The following RASEF variants were observed in gnomAD, a reference collection of about 807,000 sequenced individuals.
RASEF encodes the protein RAS and EF-hand domain containing.
RASEF carries 68 observed loss-of-function variants against 90.1 expected under a neutral mutation model. The observed-to-expected ratio is 0.75, with a 90% confidence interval of 0.62 to 0.92. The LOEUF (loss-of-function observed/expected upper bound fraction) is 0.92, where lower values mean the gene tolerates loss of function less well. Among genes scored for constraint, RASEF ranks in the 40% least tolerant of loss-of-function variants. The pLI is 0.00. For missense variants in RASEF, 949 were observed against 937.2 expected (o/e 1.01, Z -0.16); for synonymous variants, 331 against 345.2 (o/e 0.96, Z 0.46).
the RASEF span, among the ~76,000 whole-genome samples, chr9:83,185,706 CCT>C: frequency 6.6e-6 from 1 of 152,072 alleles, no homozygotes. Context: ...AGATGCAATG[CCT>C]CTGAGGGGAC....
At chr9:83,037,295 A>G (rs73469477) in intron 1 of RASEF, among the ~76,000 whole-genome samples, 6,521 of 152,024 alleles carry the variant, frequency 0.043, 426 homozygotes, top group African/African-American at 0.15. Flanking sequence ...TTTTATATCA[A>G]TGCAATGAGA....
Position 83,026,768 on chromosome 9 carries a change from A to C in RASEF, c.432-847T>G, listed in dbSNP as rs147182844. Among the ~76,000 whole-genome samples the C allele has an allele frequency of 1.2e-4, 18 of 152,328 alleles. 1 individual carries two copies. The highest frequency in any genetic ancestry group is 4.3e-4 in the African/African-American group (18 of 41,574). The stretch of plus-strand genomic sequence containing the variant: ...TTTTATATATATTTGCATTGATGTC[A>C]GTCACAATTCTCTTGACACCAAATG... On this transcript the variant is annotated intron_variant, in intron 1 of 16. Coordinates refer to ENST00000376447, the MANE Select transcript of RASEF (RefSeq NM_152573.4).
chr9:83,214,012 G>T, the RASEF span, among the ~76,000 whole-genome samples: 1 of 152,130 alleles, frequency 6.6e-6, no homozygotes, highest in Non-Finnish European at 1.5e-5. Context: ...TTGAGCCCAG[G>T]AGTTCAAGAC....
At chr9:83,091,007 A>G in the RASEF span, among the ~76,000 whole-genome samples, 1 of 152,124 alleles carries the variant, frequency 6.6e-6, no homozygotes, top group Non-Finnish European at 1.5e-5. Context: ...TGTGCCTAAA[A>G]TATCTAGAAC....
chr9:83,061,915 T>C (rs895097378), intron 1 of RASEF, among the ~76,000 whole-genome samples: 1 of 152,244 alleles, frequency 6.6e-6, no homozygotes, highest in Non-Finnish European at 1.5e-5. Context: ...GCGTGAACTC[T>C]GTAAAATGCC....
Position 83,004,503 on chromosome 9 carries a change from A to G in RASEF, c.1197T>C (p.Tyr399=). The change falls in exon 9 of 17, where the codon TAT becomes TAC. Residue 399 remains tyrosine (Y), a synonymous_variant. Transcript: ENST00000376447. ...FIGHSPQPLG[Y]DRSSRSSYVD... ...GTTAAGACGAGTTAACATACCTGTC[A>G]TAGCCTAGAGGTTGAGGGGAATGAC... is the stretch of plus-strand genomic sequence containing the variant. 6.3e-7 allele frequency: 1 copy of G among 1,586,798 alleles called. No homozygotes were observed. The highest frequency in any genetic ancestry group is 8.7e-7 in the Non-Finnish European group (1 of 1,155,322).
At chr9:83,062,320 G>GC in intron 1 of RASEF, 117 bp downstream of exon 1, 1 of 940,260 alleles carries the variant, frequency 1.1e-6, no homozygotes. Context: ...AGGAAGACAA[G>GC]CAACTCACAG....
At chr9:83,173,433 G>GT in the RASEF span, among the ~76,000 whole-genome samples, 196 of 151,310 alleles carry the variant, frequency 1.3e-3, 3 homozygotes, top group Admixed American at 0.011. Context: ...CTTTTTCATT[G>GT]TTTTTTCTCC....
intron 1 of RASEF, chr9:83,049,308 A>G (rs769960255): frequency 1.0e-5 from 10 of 985,240 alleles, no homozygotes; most frequent in Admixed American, 6.1e-5. Context: ...AGCAATAGTC[A>G]GCTAACCTGA....
chr9:82,983,633 G>T (rs1272332091), intron 16 of RASEF, among the ~76,000 whole-genome samples: 4 of 152,208 alleles, frequency 2.6e-5, no homozygotes, highest in Admixed American at 6.5e-5. Flanking sequence ...GTGAAGGTTT[G>T]ATCCCCTACC....
chr9:83,025,689 A>G, intron 2 of RASEF, 86 bp downstream of exon 2: 1 of 1,322,592 alleles, frequency 7.6e-7, no homozygotes, highest in African/African-American at 1.5e-5. Flanking sequence ...TCATAGTGTG[A>G]CAATGCAGTT....
the RASEF span, among the ~76,000 whole-genome samples, chr9:83,216,164 A>G: frequency 1.3e-5 from 2 of 152,196 alleles, no homozygotes; most frequent in East Asian, 3.9e-4. Context: ...TGGAAAAGAA[A>G]ACCCCATTTT....
chr9:83,070,360 A>T, the RASEF span, among the ~76,000 whole-genome samples: 4 of 152,148 alleles, frequency 2.6e-5, no homozygotes, highest in Admixed American at 2.0e-4. Flanking sequence ...CAGTTCTTCC[A>T]GTGTTATTTT....
chr9:83,004,154 A>G (rs1369968494), intron 9 of RASEF, among the ~76,000 whole-genome samples: 1 of 152,182 alleles, frequency 6.6e-6, no homozygotes, highest in Admixed American at 6.5e-5. Flanking sequence ...CAATAGTTTC[A>G]ACATTATATA....
the RASEF span, among the ~76,000 whole-genome samples, chr9:83,083,610 G>T: frequency 6.6e-6 from 1 of 151,960 alleles, no homozygotes; most frequent in African/African-American, 2.4e-5. Context: ...AAATACAAAA[G>T]AAATTAAAAA....
At chr9:83,135,394 G>A in the RASEF span, among the ~76,000 whole-genome samples, 1 of 152,024 alleles carries the variant, frequency 6.6e-6, no homozygotes, top group Non-Finnish European at 1.5e-5. Context: ...TATACCTAAT[G>A]TAAATGAGTT....
intron 1 of RASEF, among the ~76,000 whole-genome samples, chr9:83,027,691 G>A (rs1367529301): frequency 3.3e-5 from 5 of 152,350 alleles, no homozygotes; most frequent in African/African-American, 1.2e-4. Context: ...AGTTGGTGAG[G>A]GTGGTGGTGT....
the RASEF span, among the ~76,000 whole-genome samples, chr9:83,191,127 T>C: frequency 1.3e-5 from 2 of 152,162 alleles, no homozygotes; most frequent in Admixed American, 6.5e-5. Flanking sequence ...AACAGTGATA[T>C]ATCCCTGTAG....
intron 1 of RASEF, among the ~76,000 whole-genome samples, chr9:83,045,634 T>C (rs1829915052): frequency 6.6e-6 from 1 of 152,232 alleles, no homozygotes; most frequent in South Asian, 2.1e-4. Flanking sequence ...CAATCTGACA[T>C]TCATTTCTGT....
Sources: allele counts gnomAD v4.1 joint callset (sites outside exome capture counted in the v4.1 genomes callset), GRCh38; gene constraint gnomAD v4.1.1; transcripts MANE v1.5; gene names NCBI Gene and HGNC (gene_info 2026-07-23, HGNC 2026-07-21).